Variants in CFAP299 observed in about 807,000 individuals in gnomAD.
The protein encoded by CFAP299 is cilia- and flagella-associated protein 299.
Under a neutral mutation model 27.0 loss-of-function variants are expected in CFAP299, and 21 were observed. The ratio of observed to expected loss-of-function variants is 0.78; its 90% CI spans 0.55 to 1.12. The LOEUF is 1.12. CFAP299 is among the 50% of genes most tolerant of loss of function. The pLI, the probability that CFAP299 is intolerant of heterozygous loss-of-function variation, is 0.00. For synonymous variants in CFAP299, 104 were observed against 98.1 expected (o/e 1.06, Z -0.36); for missense variants, 310 against 276.6 (o/e 1.12, Z -0.86).
intron 3 of CFAP299, among the ~76,000 whole-genome samples, chr4:80,852,714 A>G (rs889405147): frequency 1.3e-5 from 2 of 152,164 alleles, no homozygotes; most frequent in East Asian, 3.8e-4. Flanking sequence ...TTATTTCTCT[A>G]TTCACTCTTT....
At chr4:80,376,795 C>T (rs1724434595) in intron 2 of CFAP299, among the ~76,000 whole-genome samples, 1 of 152,164 alleles carries the variant, frequency 6.6e-6, no homozygotes, top group African/African-American at 2.4e-5. Flanking sequence ...GCTGGAATTA[C>T]AGGTGCCCGC....
chr4:80,382,875 G>A (rs1724777620), intron 2 of CFAP299, among the ~76,000 whole-genome samples: 1 of 152,062 alleles, frequency 6.6e-6, no homozygotes, highest in Non-Finnish European at 1.5e-5. Flanking sequence ...AAAAACACTT[G>A]CACATGTATG....
At chr4:80,473,701 G>A (rs1252494249) in intron 2 of CFAP299, among the ~76,000 whole-genome samples, 3 of 152,022 alleles carry the variant, frequency 2.0e-5, no homozygotes, top group African/African-American at 7.3e-5. Context: ...TTCCTGATTA[G>A]CTGCAACTGC....
chr4:80,818,469 T>G (rs903370194), intron 3 of CFAP299, among the ~76,000 whole-genome samples: 4 of 152,126 alleles, frequency 2.6e-5, no homozygotes, highest in African/African-American at 9.7e-5. Flanking sequence ...TATATTGTAT[T>G]TGGCTCTGCT....
intron 4 of CFAP299, among the ~76,000 whole-genome samples, chr4:80,924,290 C>T (rs1736190861): frequency 6.6e-6 from 1 of 151,736 alleles, no homozygotes; most frequent in Non-Finnish European, 1.5e-5. Flanking sequence ...TTGGCTATGG[C>T]CCACTAAATT....
intron 2 of CFAP299, among the ~76,000 whole-genome samples, chr4:80,487,753 A>G (rs1730900854): frequency 6.6e-6 from 1 of 152,182 alleles, no homozygotes; most frequent in Admixed American, 6.5e-5. Context: ...CATTGCAACT[A>G]TCAAGACTCT....
intron 3 of CFAP299, among the ~76,000 whole-genome samples, chr4:80,749,665 C>T (rs1388711110): frequency 6.6e-6 from 1 of 152,194 alleles, no homozygotes; most frequent in Non-Finnish European, 1.5e-5. Flanking sequence ...AGCCGAAGAA[C>T]TTAGAGTCTG....
chr4:80,897,984 T>G (rs1002682046), intron 4 of CFAP299, among the ~76,000 whole-genome samples: 1 of 152,106 alleles, frequency 6.6e-6, no homozygotes, highest in Non-Finnish European at 1.5e-5. Flanking sequence ...GGGCAAGTGC[T>G]TTTGGGCACT....
chr4:80,517,412 C>G (rs1732641643), intron 2 of CFAP299, among the ~76,000 whole-genome samples: 1 of 152,092 alleles, frequency 6.6e-6, no homozygotes, highest in Admixed American at 6.6e-5. Flanking sequence ...TTACCCTTAC[C>G]TGGGACACTA....
intron 2 of CFAP299, among the ~76,000 whole-genome samples, chr4:80,454,500 C>T (rs1449646100): frequency 6.6e-6 from 1 of 152,162 alleles, no homozygotes; most frequent in East Asian, 1.9e-4. Flanking sequence ...TGAGAACCAG[C>T]TCACCCCCAA....
intron 2 of CFAP299, among the ~76,000 whole-genome samples, chr4:80,525,756 C>A (rs573841598): frequency 6.6e-6 from 1 of 152,172 alleles, no homozygotes; most frequent in South Asian, 2.1e-4. Flanking sequence ...CTTTCTTACC[C>A]CTCAACTTCT....
intron 2 of CFAP299, among the ~76,000 whole-genome samples, chr4:80,364,294 G>A (rs536933918): frequency 8.5e-5 from 13 of 152,106 alleles, no homozygotes; most frequent in South Asian, 2.1e-4. Context: ...ATGATTATAC[G>A]GCTGAGTTCT....
At chr4:80,478,395 A>C (rs1730387207) in intron 2 of CFAP299, among the ~76,000 whole-genome samples, 1 of 152,124 alleles carries the variant, frequency 6.6e-6, no homozygotes, top group Non-Finnish European at 1.5e-5. Flanking sequence ...TATATAACAA[A>C]AGGCATATAA....
At chr4:80,536,916 C>CAGAATGGG (rs1046262291) in intron 2 of CFAP299, among the ~76,000 whole-genome samples, 2 of 151,990 alleles carry the variant, frequency 1.3e-5, no homozygotes, top group Non-Finnish European at 2.9e-5. Context: ...AGACAACCTA[C>CAGAATGGG]AGAATGGGAG....
chr4:80,400,486 T>A (rs1365736038), intron 2 of CFAP299, among the ~76,000 whole-genome samples: 1 of 151,568 alleles, frequency 6.6e-6, no homozygotes, highest in East Asian at 1.9e-4. Flanking sequence ...CTTGTGATAG[T>A]GAATAAGTCT....
chr4:80,863,028 G>A (rs952544885), intron 3 of CFAP299, among the ~76,000 whole-genome samples: 5 of 151,976 alleles, frequency 3.3e-5, no homozygotes, highest in Admixed American at 6.6e-5. Flanking sequence ...ATTCATTAGC[G>A]CATTCAAGAG....
intron 2 of CFAP299, among the ~76,000 whole-genome samples, chr4:80,407,757 C>T (rs1726506428): frequency 6.6e-6 from 1 of 152,064 alleles, no homozygotes; most frequent in African/African-American, 2.4e-5. Flanking sequence ...GCCATTTTTA[C>T]CTCCACAAAT....
intron 3 of CFAP299, among the ~76,000 whole-genome samples, chr4:80,814,754 G>A (rs370610064): frequency 4.3e-4 from 65 of 151,600 alleles, no homozygotes; most frequent in South Asian, 1.7e-3. Context: ...AAACTCCCGA[G>A]TGAATATTGG....
chr4:80,648,402 T>C (rs903764836), intron 3 of CFAP299, among the ~76,000 whole-genome samples: 3 of 152,180 alleles, frequency 2.0e-5, no homozygotes, highest in African/African-American at 7.2e-5. Context: ...TTAAAAATTA[T>C]GCTTTGTGTG....
Sources: allele counts gnomAD v4.1 joint callset (sites outside exome capture counted in the v4.1 genomes callset), GRCh38; gene constraint gnomAD v4.1.1; transcripts MANE v1.5; gene names NCBI Gene and HGNC (gene_info 2026-07-23, HGNC 2026-07-21).